KDM4C: variants seen among roughly 807,000 people sequenced by gnomAD.
KDM4C encodes lysine-specific demethylase 4C.
In KDM4C, 81 loss-of-function variants were observed where a neutral mutation model predicts 129.3. That is an observed-to-expected ratio of 0.63 (90% CI 0.52 to 0.75). The LOEUF is 0.75. Among genes scored for constraint, KDM4C ranks in the 30% least tolerant of loss-of-function variants. The pLI is 0.00. For missense variants in KDM4C, 1,457 were observed against 1,304.0 expected (o/e 1.12, Z -1.81); for synonymous variants, 573 against 456.1 (o/e 1.26, Z -3.26).
chr9:7,174,397 G>A (rs1028396179), intron 21 of KDM4C, among the ~76,000 whole-genome samples, 156 bp from the exon 22 acceptor site: 1 of 152,184 alleles, frequency 6.6e-6, no homozygotes, highest in Middle Eastern at 3.2e-3. Context: ...TGGGAGAGGC[G>A]AGGGAAAGCC....
At position 6,768,396 on chromosome 9, in the gene KDM4C, A is replaced by G. The variant is rs372856507; in HGVS notation, c.-18+10193A>G. On this transcript the variant is annotated intron_variant, in intron 1 of 21. Transcript: ENST00000381309. ...TTTTAGGGAATTTTAGAGATATTCT[A>G]TATAAATTTATGTGTGTGTTTACAT... Among the ~76,000 whole-genome samples, 14 of 151,162 alleles carry G rather than the reference A, an allele frequency of 9.3e-5. No individual in the cohort carries two copies. The East Asian group carries it at 1.9e-3, about 21-fold the overall frequency.
chr9:6,836,552 A>G (rs1388259829), intron 4 of KDM4C, among the ~76,000 whole-genome samples: 1 of 152,154 alleles, frequency 6.6e-6, no homozygotes, highest in East Asian at 1.9e-4. Context: ...CTTTCCTGCT[A>G]TGCCACCCCC....
chr9:6,984,042 C>G, intron 9 of KDM4C, 124 bp from the exon 10 acceptor site: 1 of 631,266 alleles, frequency 1.6e-6, no homozygotes, highest in Non-Finnish European at 2.8e-6. Context: ...ATTGACTTGG[C>G]ATAGTGATTA....
At chr9:7,029,293 GTTTTT>G (rs59185392) in intron 15 of KDM4C, among the ~76,000 whole-genome samples, 2 of 141,604 alleles carry the variant, frequency 1.4e-5, no homozygotes, top group Non-Finnish European at 3.1e-5. Flanking sequence ...TCCCCCCACC[GTTTTT>G]TTTTTTTTTT....
At chr9:6,853,360 C>T (rs1464006061) in intron 5 of KDM4C, among the ~76,000 whole-genome samples, 1 of 151,996 alleles carries the variant, frequency 6.6e-6, no homozygotes, top group East Asian at 1.9e-4. Flanking sequence ...GTCATAGTGG[C>T]TCACGCCTGT....
chr9:6,760,546 A>T (rs568621931), intron 1 of KDM4C, among the ~76,000 whole-genome samples: 38 of 84,288 alleles, frequency 4.5e-4, no homozygotes, highest in South Asian at 1.9e-3. Flanking sequence ...ACTCTTTTTT[A>T]TTTATTTATT....
chr9:7,009,656 A>G (rs577287890), intron 12 of KDM4C, among the ~76,000 whole-genome samples: 1 of 152,264 alleles, frequency 6.6e-6, no homozygotes, highest in African/African-American at 2.4e-5. Context: ...ACAAATCTCA[A>G]ATGGTTAATA....
chr9:6,983,226 C>G (rs965246276), intron 9 of KDM4C, among the ~76,000 whole-genome samples: 1 of 152,094 alleles, frequency 6.6e-6, no homozygotes, highest in Admixed American at 6.5e-5. Flanking sequence ...GTGCTTAGTC[C>G]TGTGGTGGTT....
intron 8 of KDM4C, among the ~76,000 whole-genome samples, chr9:6,902,462 C>G (rs980633785): frequency 3.9e-5 from 6 of 152,096 alleles, no homozygotes; most frequent in South Asian, 2.1e-4. Flanking sequence ...AATTGTCGTT[C>G]TGTGTGGAAT....
At chr9:7,068,153 G>T (rs1429399385) in intron 17 of KDM4C, among the ~76,000 whole-genome samples, 1 of 152,120 alleles carries the variant, frequency 6.6e-6, no homozygotes, top group African/African-American at 2.4e-5. Flanking sequence ...ATTTTACCAT[G>T]CTGTGTTAGA....
chr9:7,043,051 G>T (rs141452220), intron 15 of KDM4C, among the ~76,000 whole-genome samples: 40 of 152,042 alleles, frequency 2.6e-4, no homozygotes, highest in African/African-American at 8.9e-4. Flanking sequence ...ATAACCATTG[G>T]GTTGGATGAT....
At chr9:6,814,778 A>G (rs758501631) in intron 4 of KDM4C, 33 bp downstream of exon 4, 2 of 1,342,658 alleles carry the variant, frequency 1.5e-6, no homozygotes, top group Admixed American at 1.8e-5. Context: ...TTTTGTAAAG[A>G]TCATTGGATG....
chr9:7,158,418 C>T (rs1291850728), intron 19 of KDM4C, among the ~76,000 whole-genome samples: 1 of 151,592 alleles, frequency 6.6e-6, no homozygotes, highest in Non-Finnish European at 1.5e-5. Flanking sequence ...TTCTCTAGTT[C>T]TTTTAATTGT....
At chr9:7,174,482 T>G in intron 21 of KDM4C, 71 bp from the exon 22 acceptor site, 1 of 1,465,108 alleles carries the variant, frequency 6.8e-7, no homozygotes, top group Non-Finnish European at 9.5e-7. Context: ...GCTGACCGAG[T>G]CAGATCTTTG....
chr9:6,999,914 A>G (rs1340252108), intron 12 of KDM4C, among the ~76,000 whole-genome samples: 3 of 152,184 alleles, frequency 2.0e-5, no homozygotes, highest in Admixed American at 6.5e-5. Context: ...TGTTCCATCA[A>G]TTCTTTTTAG....
chr9:6,771,118 A>G lies in KDM4C; in HGVS notation c.-18+12915A>G, dbSNP rs749289723. On this transcript the variant is annotated intron_variant, in intron 1 of 21. Coordinates refer to ENST00000381309, the MANE Select transcript of KDM4C (RefSeq NM_015061.6). ...TTTTTTTTTTTTTTTTTAAGAGATG[A>G]GGTCTCTCCAAGTTGCCCAGGCTGG... Among the ~76,000 whole-genome samples the G allele has an allele frequency of 2.7e-3, 256 of 93,284 alleles. 2 individuals carry two copies. Among genetic ancestry groups the G allele is most frequent in the Middle Eastern group, 0.012 (1 of 82 alleles). 61.2% of individuals were successfully genotyped at this position (93,284 alleles called of 152,430 possible).
chr9:7,110,461 C>T (rs1838195379), intron 18 of KDM4C, among the ~76,000 whole-genome samples: 1 of 152,136 alleles, frequency 6.6e-6, no homozygotes, highest in Non-Finnish European at 1.5e-5. Context: ...AATGCAATTT[C>T]TCCTTTCCTA....
chr9:6,774,133 C>A (rs1822506061), intron 1 of KDM4C, among the ~76,000 whole-genome samples: 1 of 152,014 alleles, frequency 6.6e-6, no homozygotes, highest in Non-Finnish European at 1.5e-5. Flanking sequence ...AGTGATCCAC[C>A]TGCCTCAGCC....
chr9:7,016,000 G>T, intron 15 of KDM4C, 71 bp downstream of exon 15: 1 of 1,148,892 alleles, frequency 8.7e-7, no homozygotes, highest in Non-Finnish European at 1.3e-6. Flanking sequence ...TTTAAGTCTA[G>T]GGAAAAGATA....
Sources: allele counts gnomAD v4.1 joint callset (sites outside exome capture counted in the v4.1 genomes callset), GRCh38; gene constraint gnomAD v4.1.1; transcripts MANE v1.5; gene names NCBI Gene and HGNC (gene_info 2026-07-23, HGNC 2026-07-21).